Variants in PTPRT observed in about 807,000 individuals in gnomAD.
The protein encoded by PTPRT is receptor-type tyrosine-protein phosphatase T.
In PTPRT, 56 loss-of-function variants were observed where a neutral mutation model predicts 176.8. The ratio of observed to expected loss-of-function variants is 0.32; its 90% CI spans 0.26 to 0.40. The LOEUF is 0.40. PTPRT is among the 10% of genes least tolerant of loss of function. The pLI, the probability that PTPRT is intolerant of heterozygous loss-of-function variation, is 1.00. For synonymous variants in PTPRT, 783 were observed against 739.0 expected, an observed-to-expected ratio of 1.06 and a Z score of -0.96; for missense variants, 1,540 against 1,908.2, an observed-to-expected ratio of 0.81 and a Z score of 3.60.
At chr20:42,313,283 G>C (rs1456467317) in intron 12 of PTPRT, among the ~76,000 whole-genome samples, 1 of 152,144 alleles carries the variant, frequency 6.6e-6, no homozygotes, top group Non-Finnish European at 1.5e-5. Flanking sequence ...GCAGCCCTCA[G>C]GGATGCTCTG....
chr20:43,039,586 C>T (rs957876584), intron 1 of PTPRT, among the ~76,000 whole-genome samples: 2 of 150,958 alleles, frequency 1.3e-5, no homozygotes, highest in Non-Finnish European at 3.0e-5. Context: ...AATTTCATCA[C>T]ATAAAAATTT....
intron 1 of PTPRT, among the ~76,000 whole-genome samples, chr20:43,111,071 A>C (rs942263806): frequency 1.3e-5 from 2 of 152,202 alleles, no homozygotes; most frequent in Non-Finnish European, 2.9e-5. Context: ...AAGGGAAAGG[A>C]AACATGAGTT....
chr20:42,946,181 A>G (rs1436214654), intron 1 of PTPRT, among the ~76,000 whole-genome samples: 7 of 152,292 alleles, frequency 4.6e-5, no homozygotes, highest in Non-Finnish European at 8.8e-5. Context: ...AAATGGGGAC[A>G]TCGGAATCAT....
chr20:42,424,388 G>T (rs1485288606), intron 9 of PTPRT, among the ~76,000 whole-genome samples: 2 of 152,154 alleles, frequency 1.3e-5, no homozygotes, highest in East Asian at 1.9e-4. Context: ...CAGGCTGTAA[G>T]TTTCCTACCA....
At chr20:42,799,933 T>A (rs1183209886) in intron 2 of PTPRT, among the ~76,000 whole-genome samples, 1 of 152,130 alleles carries the variant, frequency 6.6e-6, no homozygotes, top group African/African-American at 2.4e-5. Context: ...CTACCTAGAC[T>A]CTCTCTGAAG....
intron 11 of PTPRT, among the ~76,000 whole-genome samples, chr20:42,339,883 C>A (rs187098621): frequency 7.9e-4 from 120 of 152,280 alleles, no homozygotes; most frequent in African/African-American, 2.8e-3. Context: ...ATAGGTCCCA[C>A]GCTGTTTTCA....
At chr20:42,502,417 C>G (rs866252332) in intron 7 of PTPRT, among the ~76,000 whole-genome samples, 18 of 134,582 alleles carry the variant, frequency 1.3e-4, no homozygotes, top group Non-Finnish European at 1.8e-4. Flanking sequence ...CACACACACA[C>G]ACACACACAC....
chr20:42,541,934 A>G (rs761434322), intron 7 of PTPRT, among the ~76,000 whole-genome samples: 3 of 152,192 alleles, frequency 2.0e-5, no homozygotes, highest in Non-Finnish European at 4.4e-5. Context: ...CTCTTGAATT[A>G]TAGCTCCCAT....
chr20:42,333,766 C>T (rs776674219), intron 11 of PTPRT, among the ~76,000 whole-genome samples: 5 of 152,160 alleles, frequency 3.3e-5, no homozygotes, highest in Admixed American at 6.5e-5. Flanking sequence ...GCAATCTCTG[C>T]CTCCTGCGTT....
intron 1 of PTPRT, among the ~76,000 whole-genome samples, chr20:43,155,462 G>A (rs960794839): frequency 6.6e-6 from 1 of 152,086 alleles, no homozygotes; most frequent in African/African-American, 2.4e-5. Context: ...ACTCATATGT[G>A]GAATCTAAAA....
chr20:43,024,340 T>TAA (rs200001949), intron 1 of PTPRT, among the ~76,000 whole-genome samples: 1 of 148,866 alleles, frequency 6.7e-6, no homozygotes, highest in Non-Finnish European at 1.5e-5. Context: ...CAAGAGGGGG[T>TAA]AAAAAAAAAT....
chr20:42,838,229 T>G (rs1444486733), intron 2 of PTPRT, among the ~76,000 whole-genome samples: 1 of 152,206 alleles, frequency 6.6e-6, no homozygotes, highest in Non-Finnish European at 1.5e-5. Context: ...TTTCGCCATG[T>G]TGGCCAGGCT....
rs574057911 is a variant in PTPRT, at chr20:43,160,247, C to T, written c.88+29399G>A. On this transcript the variant is annotated intron_variant, in intron 1 of 30. Transcript: ENST00000373187. Reference sequence around the variant, plus strand: ...AAACTGAGCACCAACTGAGGCCTCACGGAGGCATCCAACAGCCGGAATAAA... The same window carrying T: ...AAACTGAGCACCAACTGAGGCCTCATGGAGGCATCCAACAGCCGGAATAAA... Among the ~76,000 whole-genome samples, 86 of 152,234 alleles carry T rather than the reference C, an allele frequency of 5.6e-4. No homozygotes were observed. In the Middle Eastern group the frequency reaches 0.01, roughly 18 times the overall value.
chr20:42,522,993 A>G (rs1249197205), intron 7 of PTPRT, among the ~76,000 whole-genome samples: 1 of 152,048 alleles, frequency 6.6e-6, no homozygotes, highest in African/African-American at 2.4e-5. Context: ...TGTGCTACTC[A>G]ATTTAGATCC....
intron 12 of PTPRT, among the ~76,000 whole-genome samples, chr20:42,294,253 C>T (rs1461499267): frequency 6.6e-6 from 1 of 152,040 alleles, no homozygotes; most frequent in Non-Finnish European, 1.5e-5. Context: ...TAAAACAATT[C>T]CTGGTAGATC....
chr20:42,672,303 A>G (rs974307319), intron 7 of PTPRT, among the ~76,000 whole-genome samples: 2 of 152,194 alleles, frequency 1.3e-5, no homozygotes, highest in African/African-American at 4.8e-5. Context: ...ACTGGCCTAC[A>G]TCTTTCTCCC....
At chr20:42,474,706 T>C (rs568896345) in intron 7 of PTPRT, among the ~76,000 whole-genome samples, 4 of 152,290 alleles carry the variant, frequency 2.6e-5, no homozygotes, top group African/African-American at 9.6e-5. Context: ...ATCTCGCAGT[T>C]GTACCGACTG....
chr20:42,352,957 T>C (rs2058307773), intron 9 of PTPRT, among the ~76,000 whole-genome samples: 1 of 152,176 alleles, frequency 6.6e-6, no homozygotes, highest in Non-Finnish European at 1.5e-5. Flanking sequence ...AAAAAGAAAC[T>C]AATTTTAACA....
At chr20:42,145,497 C>CATAG (rs59838948) in intron 17 of PTPRT, among the ~76,000 whole-genome samples, 74,908 of 144,304 alleles carry the variant, frequency 0.52, 19,581 homozygotes, top group Non-Finnish European at 0.55. Flanking sequence ...GACTTTGTCT[C>CATAG]ATAGATAGAT....
Sources: gnomAD v4.1 joint callset for allele counts (sites outside exome capture counted in the v4.1 genomes callset) on GRCh38, gnomAD v4.1.1 for gene constraint, MANE v1.5 for transcripts, NCBI Gene and HGNC (gene_info 2026-07-23, HGNC 2026-07-21) for gene names.